The following POFUT3 variants were observed in gnomAD, a reference collection of about 807,000 sequenced individuals.
The protein encoded by POFUT3 is protein O-fucosyltransferase 3.
At chr8:33,325,774 C>G in the POFUT3 span, among the ~76,000 whole-genome samples, 470 of 152,270 alleles carry the variant, frequency 3.1e-3, 2 homozygotes, top group African/African-American at 0.011. Flanking sequence ...GGTAGGGGCT[C>G]TCTCTGGACT....
At chr8:33,405,915 C>T in the POFUT3 span, among the ~76,000 whole-genome samples, 1 of 152,136 alleles carries the variant, frequency 6.6e-6, no homozygotes, top group Non-Finnish European at 1.5e-5. Context: ...TACTTTGTTT[C>T]CAATTTTTCC....
the POFUT3 span, among the ~76,000 whole-genome samples, chr8:33,373,402 G>A: frequency 2.0e-5 from 3 of 152,144 alleles, no homozygotes; most frequent in East Asian, 5.8e-4. Flanking sequence ...GCACTCAACT[G>A]TCCCCAGTAC....
At chr8:33,337,296 T>C in the POFUT3 span, among the ~76,000 whole-genome samples, 1 of 152,208 alleles carries the variant, frequency 6.6e-6, no homozygotes, top group African/African-American at 2.4e-5. Context: ...CAAATAATTA[T>C]AAACATTGAC....
At chr8:33,358,202 A>G in the POFUT3 span, among the ~76,000 whole-genome samples, 2 of 152,218 alleles carry the variant, frequency 1.3e-5, no homozygotes, top group Admixed American at 6.5e-5. Flanking sequence ...GCAGTGAGCC[A>G]GGATGGTGCC....
At chr8:33,413,077 T>C in the POFUT3 span, among the ~76,000 whole-genome samples, 1 of 152,254 alleles carries the variant, frequency 6.6e-6, no homozygotes, top group South Asian at 2.1e-4. Context: ...TTCATTTTTT[T>C]ATTTATTCAC....
chr8:33,337,833 G>C, the POFUT3 span, among the ~76,000 whole-genome samples: 1 of 152,160 alleles, frequency 6.6e-6, no homozygotes. Flanking sequence ...GGAAAATTAT[G>C]TTTCCACAGT....
the POFUT3 span, among the ~76,000 whole-genome samples, chr8:33,354,575 G>T: frequency 1.3e-5 from 2 of 152,066 alleles, no homozygotes; most frequent in African/African-American, 4.8e-5. Context: ...TGTTTTCATT[G>T]GCGATCTTTT....
At chr8:33,318,647 A>G in the POFUT3 span, among the ~76,000 whole-genome samples, 1 of 89,130 alleles carries the variant, frequency 1.1e-5, no homozygotes, top group Admixed American at 1.9e-4. Context: ...AATATATTGT[A>G]TATATATTTA....
At chr8:33,452,931 T>C in the POFUT3 span, 1 of 358,986 alleles carries the variant, frequency 2.8e-6, no homozygotes, top group East Asian at 4.3e-5. Context: ...ACTCAACATT[T>C]AACTTTGCTT....
At chr8:33,331,888 A>C in the POFUT3 span, among the ~76,000 whole-genome samples, 4 of 151,412 alleles carry the variant, frequency 2.6e-5, no homozygotes, top group Admixed American at 6.6e-5. Flanking sequence ...CGTGTTAGCC[A>C]GGATGGTCTA....
the POFUT3 span, among the ~76,000 whole-genome samples, chr8:33,356,982 A>G: frequency 6.6e-6 from 1 of 152,082 alleles, no homozygotes; most frequent in African/African-American, 2.4e-5. Flanking sequence ...AGATAGTTGT[A>G]GATATGCAGT....
At chr8:33,313,743 T>TA in the POFUT3 span, among the ~76,000 whole-genome samples, 1 of 152,204 alleles carries the variant, frequency 6.6e-6, no homozygotes, top group East Asian at 1.9e-4. Context: ...TTATCCTGAA[T>TA]ATAAACTCCT....
At chr8:33,390,149 C>T in the POFUT3 span, among the ~76,000 whole-genome samples, 1 of 152,056 alleles carries the variant, frequency 6.6e-6, no homozygotes, top group African/African-American at 2.4e-5. Context: ...CACTGCACTC[C>T]AGCCTGGGTG....
chr8:33,399,476 G>A, the POFUT3 span, among the ~76,000 whole-genome samples: 6 of 152,196 alleles, frequency 3.9e-5, no homozygotes, highest in African/African-American at 1.4e-4. Context: ...TAGGAAGGAT[G>A]AGTGTGTATG....
At chr8:33,323,051 C>T in the POFUT3 span, among the ~76,000 whole-genome samples, 1 of 151,914 alleles carries the variant, frequency 6.6e-6, no homozygotes, top group Non-Finnish European at 1.5e-5. Context: ...CCCTTTTGGG[C>T]ATTTCATTTC....
chr8:33,411,403 A>G, the POFUT3 span, among the ~76,000 whole-genome samples: 34 of 152,242 alleles, frequency 2.2e-4, no homozygotes, highest in Non-Finnish European at 3.5e-4. Context: ...ACTTTATTGA[A>G]TGCCTCTATC....
the POFUT3 span, among the ~76,000 whole-genome samples, chr8:33,392,565 C>T: frequency 2.0e-5 from 3 of 151,892 alleles, no homozygotes; most frequent in Non-Finnish European, 2.9e-5. Context: ...GGTGACAGAG[C>T]GAGACTCTGT....
At chr8:33,453,399 T>C in the POFUT3 span, 33 of 1,614,096 alleles carry the variant, frequency 2.0e-5, no homozygotes, top group Admixed American at 3.3e-5. Flanking sequence ...AATCCTTCTT[T>C]CTTAAGAAAT....
chr8:33,340,946 T>C, the POFUT3 span, among the ~76,000 whole-genome samples: 1 of 152,190 alleles, frequency 6.6e-6, no homozygotes, highest in South Asian at 2.1e-4. Context: ...CAGAATCTAA[T>C]CAATATTTTT....
Sources: gnomAD v4.1 joint callset for allele counts (sites outside exome capture counted in the v4.1 genomes callset) on GRCh38, gnomAD v4.1.1 for gene constraint, MANE v1.5 for transcripts, NCBI Gene and HGNC (gene_info 2026-07-23, HGNC 2026-07-21) for gene names.